NFAT5: variants seen among roughly 807,000 people sequenced by gnomAD.
NFAT5 encodes nuclear factor of activated T cells 5.
A neutral mutation model predicts 166.5 loss-of-function variants in NFAT5; 31 were observed. The observed-to-expected ratio is 0.19, with a 90% CI of 0.14 to 0.25. The LOEUF (loss-of-function observed/expected upper bound fraction) is 0.25, where lower values mean the gene tolerates loss of function less well. Ranked by LOEUF, NFAT5 falls within the 10% of genes least tolerant of loss-of-function variation. The pLI, the probability that NFAT5 is intolerant of heterozygous loss-of-function variation, is 1.00. For missense variants in NFAT5, 1,449 were observed against 1,821.8 expected (o/e 0.80, Z 3.72); for synonymous variants, 612 against 639.7 (o/e 0.96, Z 0.65).
rs1201225557 is a variant in NFAT5 at position 69,700,845 on chromosome 16, A to G, written c.*4494A>G. The stretch of plus-strand genomic sequence containing the variant: ...TTCTTCTCTGCTTGTTTGTGTCACT[A>G]GAGCAAAATTGTAGAGATAATGCTC... On this transcript the variant is annotated 3_prime_UTR_variant, in exon 15 of 15. Coordinates refer to ENST00000349945, the MANE Select transcript of NFAT5 (RefSeq NM_138713.4). The G allele has an allele frequency of 6.6e-6, 1 of 152,228 alleles. No individual in the cohort carries two copies. Among genetic ancestry groups the G allele is most frequent in the Non-Finnish European group, 1.5e-5 (1 of 68,044 alleles). 9.4% of individuals were successfully genotyped at this position (152,228 alleles called of 1,614,324 possible). A position where few individuals can be genotyped will look rare whatever the true frequency, so the allele number is the denominator to read the frequency against.
At position 69,691,938 on chromosome 16, in the gene NFAT5, G is replaced by T. The variant is rs151223997; in HGVS notation, c.2113G>T (p.Gly705Cys). 1 of 1,614,150 alleles carries T rather than the reference G, an allele frequency of 6.2e-7. No homozygotes were observed. Among genetic ancestry groups the T allele is most frequent in the Non-Finnish European group, 8.5e-7 (1 of 1,180,022 alleles). Residue 705 changes from glycine to cysteine, a missense_variant, in exon 13 of 15, where the codon GGT becomes TGT. This residue lies in a region of NFAT5 where 891 missense variants were observed against 993.0 expected (regional missense o/e 0.90). Coordinates refer to ENST00000349945, the MANE Select transcript of NFAT5 (RefSeq NM_138713.4). ...TIQTQDISQP[G>C]TFPAVSASSQ... ...TCAAACCCAGGACATCTCACAGCCT[G>T]GTACTTTTCCAGCAGTTTCTGCTTC...
intron 2 of NFAT5, among the ~76,000 whole-genome samples, chr16:69,620,436 T>C (rs932751720): frequency 6.6e-6 from 1 of 152,060 alleles, no homozygotes; most frequent in African/African-American, 2.4e-5. Flanking sequence ...AGAAAAAATA[T>C]ATCAGAAAAT....
chr16:69,698,120 C>T lies in NFAT5; in HGVS notation c.*1769C>T, dbSNP rs1049791547. 7 of 152,236 alleles carry T rather than the reference C, an allele frequency of 4.6e-5. No homozygotes were observed. The highest frequency in any genetic ancestry group is 7.4e-5 in the Non-Finnish European group (5 of 67,992). The allele number at this position is 152,236 out of a possible 1,614,324, so 9.4% of individuals were successfully genotyped here. On this transcript the variant is annotated 3_prime_UTR_variant, in exon 15 of 15. Coordinates refer to ENST00000349945, the MANE Select transcript of NFAT5 (RefSeq NM_138713.4). The stretch of plus-strand genomic sequence containing the variant: ...TCATGTTTTCTTCCCTCCACCTCCA[C>T]CCCTTTCTTTCTTTCTCTCTCTGAT...
At chr16:69,584,938 A>G (rs889838637) in intron 2 of NFAT5, among the ~76,000 whole-genome samples, 2 of 152,156 alleles carry the variant, frequency 1.3e-5, no homozygotes, top group Admixed American at 6.6e-5. Flanking sequence ...TCACAAATAT[A>G]AATGTATTGG....
At chr16:69,650,339 A>G (rs1433992712) in intron 4 of NFAT5, among the ~76,000 whole-genome samples, 2 of 152,058 alleles carry the variant, frequency 1.3e-5, no homozygotes, top group East Asian at 3.8e-4. Context: ...CTACGTTTCT[A>G]AGCATTAGTG....
intron 2 of NFAT5, among the ~76,000 whole-genome samples, chr16:69,602,749 C>T (rs1380689808): frequency 5.3e-5 from 8 of 151,410 alleles, no homozygotes; most frequent in Admixed American, 1.3e-4. Context: ...GGACTACAGG[C>T]GTGCAACACC....
chr16:69,626,223 A>T (rs1390187380), intron 2 of NFAT5, among the ~76,000 whole-genome samples, 180 bp from the exon 3 acceptor site: 1 of 151,952 alleles, frequency 6.6e-6, no homozygotes, highest in African/African-American at 2.4e-5. Context: ...AAAGTCATGG[A>T]TTACAGGTGT....
intron 11 of NFAT5, 72 bp from the exon 12 acceptor site, chr16:69,690,865 TAAC>T: frequency 1.6e-6 from 2 of 1,248,828 alleles, no homozygotes; most frequent in Non-Finnish European, 2.1e-6. Flanking sequence ...TCATGGCTAA[TAAC>T]AAATTTTAGA....
At position 69,693,339 on chromosome 16, in the gene NFAT5, A is replaced by G. The variant is rs546177959; in HGVS notation, c.3514A>G (p.Thr1172Ala). The change falls in exon 13 of 15, where the codon ACA becomes GCA. Residue 1172 changes from threonine to alanine, a missense_variant. Coordinates refer to ENST00000349945, the MANE Select transcript of NFAT5 (RefSeq NM_138713.4). ...TCCCATGAATAATCTTCAGACTAAC[A>G]CAGTAGCCCAAGAAGCATTTTTTGC... The part of the protein sequence containing the change: ...QSPMNNLQTN[T>A]VAQEAFFAAP... 8.2e-5 allele frequency: 132 copies of G among 1,614,078 alleles called. No homozygotes were observed. Among genetic ancestry groups the G allele is most frequent in the Non-Finnish European group, 1.0e-4 (121 of 1,180,044 alleles).
At chr16:69,598,587 A>G (rs1482386394) in intron 2 of NFAT5, among the ~76,000 whole-genome samples, 1 of 152,122 alleles carries the variant, frequency 6.6e-6, no homozygotes, top group Non-Finnish European at 1.5e-5. Context: ...TGAAATTGAG[A>G]TGCTTATGGG....
chr16:69,631,505 T>C (rs531697605), intron 3 of NFAT5, among the ~76,000 whole-genome samples: 2 of 152,200 alleles, frequency 1.3e-5, no homozygotes, highest in African/African-American at 4.8e-5. Flanking sequence ...ATCTTAATAA[T>C]GCATTAATAA....
Position 69,624,914 on chromosome 16 carries a change from AAAAAG to A in NFAT5, c.128-1486_128-1482del, listed in dbSNP as rs2034382767. Among the ~76,000 whole-genome samples, 59 of 151,590 alleles carry A rather than the reference AAAAAG, an allele frequency of 3.9e-4. 1 individual carries two copies. In the South Asian group the frequency reaches 0.011, roughly 29 times the overall value. On this transcript the variant is annotated intron_variant, in intron 2 of 14. Coordinates refer to ENST00000349945, the MANE Select transcript of NFAT5 (RefSeq NM_138713.4). Reference sequence around the variant, plus strand: ...ATTGTTCTTTTTTTTAAAAAAAAAAAAAAAGAAGGAGTTTCGCTCTTGTTGCCCAG... The same window carrying A: ...ATTGTTCTTTTTTTTAAAAAAAAAAAAAGGAGTTTCGCTCTTGTTGCCCAG...
At chr16:69,610,500 T>C (rs2033657230) in intron 2 of NFAT5, among the ~76,000 whole-genome samples, 1 of 152,234 alleles carries the variant, frequency 6.6e-6, no homozygotes, top group Admixed American at 6.5e-5. Flanking sequence ...ATGCCCATTA[T>C]GTGCCAGGCA....
intron 2 of NFAT5, among the ~76,000 whole-genome samples, chr16:69,616,341 A>G (rs892932375): frequency 6.6e-6 from 1 of 151,848 alleles, no homozygotes; most frequent in Non-Finnish European, 1.5e-5. Flanking sequence ...CAATCCTTCT[A>G]TGTGGACATC....
At chr16:69,575,988 T>C (rs1382447962) in intron 2 of NFAT5, among the ~76,000 whole-genome samples, 1 of 152,050 alleles carries the variant, frequency 6.6e-6, no homozygotes, top group Admixed American at 6.6e-5. Flanking sequence ...TGAGATTATA[T>C]TGACTGTCTT....
intron 3 of NFAT5, among the ~76,000 whole-genome samples, chr16:69,634,048 C>T (rs757189899): frequency 7.3e-5 from 11 of 151,660 alleles, no homozygotes; most frequent in South Asian, 2.1e-4. Context: ...GGGGCCGAGG[C>T]GGGCAGATCA....
chr16:69,601,813 G>A (rs978209444), intron 2 of NFAT5, among the ~76,000 whole-genome samples: 1 of 152,200 alleles, frequency 6.6e-6, no homozygotes, highest in Non-Finnish European at 1.5e-5. Context: ...TATGAGTACT[G>A]TTCTAAGTAC....
At chr16:69,662,557 T>G (rs925959012) in intron 7 of NFAT5, among the ~76,000 whole-genome samples, 5 of 150,712 alleles carry the variant, frequency 3.3e-5, no homozygotes, top group Non-Finnish European at 7.4e-5. Context: ...CCTCCCGGGT[T>G]CCCGCCATTC....
intron 8 of NFAT5, 26 bp downstream of exon 8, chr16:69,670,137 A>G (rs368682639): frequency 7.8e-5 from 125 of 1,603,332 alleles, no homozygotes; most frequent in Non-Finnish European, 1.0e-4. Flanking sequence ...TGTGGTACAG[A>G]TATTTGTATG....
Sources: gnomAD v4.1 joint callset for allele counts (sites outside exome capture counted in the v4.1 genomes callset) on GRCh38, gnomAD v4.1.1 for gene constraint, gnomAD v4.1.1 regional missense constraint, MANE v1.5 for transcripts, NCBI Gene and HGNC (gene_info 2026-07-23, HGNC 2026-07-21) for gene names.